Variants in EYA2 observed in about 807,000 individuals in gnomAD.
EYA2 encodes protein phosphatase EYA2.
EYA2 carries 31 observed loss-of-function variants against 69.2 expected under a neutral mutation model. The observed-to-expected ratio is 0.45, with a 90% confidence interval of 0.34 to 0.60. The LOEUF (loss-of-function observed/expected upper bound fraction) is 0.60, where lower values mean the gene tolerates loss of function less well. Among genes scored for constraint, EYA2 ranks in the 20% least tolerant of loss-of-function variants. The probability of loss-of-function intolerance (pLI) is 0.02; values close to 1 mark genes in which losing one functional copy is unlikely to be tolerated. For missense variants in EYA2, 622 were observed against 701.2 expected (o/e 0.89, Z 1.28); for synonymous variants, 257 against 279.4 (o/e 0.92, Z 0.80).
chr20:47,070,271 T>C (rs1230033308), intron 5 of EYA2, among the ~76,000 whole-genome samples: 1 of 152,200 alleles, frequency 6.6e-6, no homozygotes, highest in Non-Finnish European at 1.5e-5. Context: ...AAAGAAGATA[T>C]GTGAATGGCT....
chr20:47,039,319 G>A (rs1245501901), intron 5 of EYA2, among the ~76,000 whole-genome samples: 1 of 152,166 alleles, frequency 6.6e-6, no homozygotes, highest in Non-Finnish European at 1.5e-5. Context: ...CATGGCACAT[G>A]AAAATGATAT....
At chr20:46,972,136 T>A in intron 1 of EYA2, among the ~76,000 whole-genome samples, 1 of 151,950 alleles carries the variant, frequency 6.6e-6, no homozygotes, top group East Asian at 1.9e-4. Flanking sequence ...ACACCACAGG[T>A]GGAAGAGGAT....
At chr20:46,995,578 T>G (rs1981963734) in intron 2 of EYA2, among the ~76,000 whole-genome samples, 1 of 152,198 alleles carries the variant, frequency 6.6e-6, no homozygotes, top group South Asian at 2.1e-4. Context: ...ACAAGGAAGA[T>G]GAACTGATAC....
chr20:46,904,419 T>A (rs1984257682), intron 1 of EYA2, among the ~76,000 whole-genome samples: 1 of 150,652 alleles, frequency 6.6e-6, no homozygotes, highest in Non-Finnish European at 1.5e-5. Flanking sequence ...TTACACAAAA[T>A]TAAAATATTC....
chr20:47,110,946 A>G (rs2032732544), intron 9 of EYA2, among the ~76,000 whole-genome samples: 1 of 152,206 alleles, frequency 6.6e-6, no homozygotes, highest in Non-Finnish European at 1.5e-5. Flanking sequence ...AGGCTTCACA[A>G]TTTTGTTTTC....
intron 5 of EYA2, among the ~76,000 whole-genome samples, chr20:47,025,061 T>C (rs1983999804): frequency 6.6e-6 from 1 of 152,268 alleles, no homozygotes; most frequent in South Asian, 2.1e-4. Context: ...CCAATTTTTA[T>C]GCATTTTGCC....
chr20:46,916,160 C>G (rs1245856152), intron 1 of EYA2, among the ~76,000 whole-genome samples: 1 of 152,184 alleles, frequency 6.6e-6, no homozygotes, highest in Non-Finnish European at 1.5e-5. Context: ...GTTACACTTG[C>G]CATCCCTGCG....
At chr20:47,032,380 T>TA (rs886463416) in intron 5 of EYA2, among the ~76,000 whole-genome samples, 10 of 152,336 alleles carry the variant, frequency 6.6e-5, no homozygotes, top group African/African-American at 2.2e-4. Context: ...CCTGCCTTCT[T>TA]ACACTGCTTT....
intron 8 of EYA2, among the ~76,000 whole-genome samples, chr20:47,090,696 T>C (rs1027407932): frequency 1.3e-5 from 2 of 152,248 alleles, no homozygotes; most frequent in Non-Finnish European, 2.9e-5. Context: ...AATCTACTTA[T>C]TTAACAAAAA....
intron 1 of EYA2, among the ~76,000 whole-genome samples, chr20:46,912,697 TTTTTC>T (rs1200387384): frequency 7.0e-6 from 1 of 142,172 alleles, no homozygotes; most frequent in Non-Finnish European, 1.6e-5. Context: ...ATTTTTTTTT[TTTTTC>T]TTTTTTTTTG....
chr20:47,100,695 C>T (rs1229844816), intron 9 of EYA2, among the ~76,000 whole-genome samples: 3 of 152,252 alleles, frequency 2.0e-5, no homozygotes, highest in South Asian at 2.1e-4. Context: ...GCACCCAGAT[C>T]GCCTGTGCCA....
intron 5 of EYA2, among the ~76,000 whole-genome samples, chr20:47,057,139 GAGGAAGGAAGGAAGGA>G (rs61126274): frequency 3.6e-4 from 46 of 129,178 alleles, no homozygotes; most frequent in African/African-American, 1.2e-3. Context: ...AGGAAGGAGG[GAGGAAGGAAGGAAGGA>G]AGGAAGGAAG....
chr20:47,167,141 CACTT>C (rs919237179), intron 10 of EYA2: 8 of 154,742 alleles, frequency 5.2e-5, no homozygotes, highest in Admixed American at 1.3e-4. Context: ...CAGCTCCACT[CACTT>C]AATCTGAAAA....
chr20:47,143,130 G>A lies in EYA2; in HGVS notation c.960G>A (p.Leu320=). The change falls in exon 10 of 16, where the codon CTG becomes CTA. Residue 320 remains leucine, a synonymous_variant. Transcript: ENST00000327619. ...TCTTCAACCTTGCAGATACACATCT[G>A]TTCTTCAATGACCTGGAGGTTTGTG... The part of the protein sequence containing the change: ...EMIFNLADTH[L]FFNDLEDCDQ... 6.2e-7 allele frequency: 1 copy of A among 1,613,168 alleles called. No homozygotes were observed. Among genetic ancestry groups the A allele is most frequent in the Non-Finnish European group, 8.5e-7 (1 of 1,179,600 alleles).
chr20:47,048,462 G>T (rs564080533), intron 5 of EYA2, among the ~76,000 whole-genome samples: 1 of 152,204 alleles, frequency 6.6e-6, no homozygotes, highest in African/African-American at 2.4e-5. Flanking sequence ...TGCAGGCCGG[G>T]TGCAGTGGCC....
chr20:47,034,352 A>G (rs145650846), intron 5 of EYA2, among the ~76,000 whole-genome samples: 2 of 152,370 alleles, frequency 1.3e-5, no homozygotes, highest in Admixed American at 1.3e-4. Flanking sequence ...ATGTGAGTCA[A>G]CATTAAGCTG....
At chr20:46,923,527 A>G (rs1009869794) in intron 1 of EYA2, among the ~76,000 whole-genome samples, 3 of 152,332 alleles carry the variant, frequency 2.0e-5, no homozygotes, top group Admixed American at 2.0e-4. Context: ...GGATTGGTTA[A>G]AATATTGTGT....
intron 4 of EYA2, among the ~76,000 whole-genome samples, chr20:47,014,628 ATG>A (rs56005987): frequency 0.06 from 8,730 of 144,568 alleles, 445 homozygotes; most frequent in East Asian, 0.25. Context: ...TGTGCACAAA[ATG>A]TGTGTGTGTG....
chr20:47,171,937 CA>C (rs1259398183), intron 11 of EYA2, among the ~76,000 whole-genome samples: 1 of 151,280 alleles, frequency 6.6e-6, no homozygotes, highest in Non-Finnish European at 1.5e-5. Context: ...ACTAAAAATA[CA>C]AAAAATTACC....
Sources: gnomAD v4.1 joint callset for allele counts (sites outside exome capture counted in the v4.1 genomes callset) on GRCh38, gnomAD v4.1.1 for gene constraint, MANE v1.5 for transcripts, NCBI Gene and HGNC (gene_info 2026-07-23, HGNC 2026-07-21) for gene names.